The following TENM2 variants were observed in gnomAD, a reference collection of about 807,000 sequenced individuals.
TENM2 encodes the protein teneurin transmembrane protein 2.
TENM2 carries 52 observed loss-of-function variants against 245.2 expected under a neutral mutation model. That is an observed-to-expected ratio of 0.21 (90% CI 0.17 to 0.27). The LOEUF (loss-of-function observed/expected upper bound fraction) is 0.27, where lower values mean the gene tolerates loss of function less well. TENM2 is among the 10% of genes least tolerant of loss of function. The probability of loss-of-function intolerance (pLI) is 1.00; values close to 1 mark genes in which losing one functional copy is unlikely to be tolerated. For missense variants in TENM2, 3,046 were observed against 3,666.8 expected, an observed-to-expected ratio of 0.83 and a Z score of 4.37; for synonymous variants, 1,363 against 1,438.9, an observed-to-expected ratio of 0.95 and a Z score of 1.19.
the TENM2 span, among the ~76,000 whole-genome samples, chr5:167,181,435 C>A: frequency 7.5e-6 from 1 of 132,566 alleles, no homozygotes; most frequent in African/African-American, 3.3e-5. Flanking sequence ...TCTCAGTTCT[C>A]TGTTTTTTTT....
intron 1 of TENM2, among the ~76,000 whole-genome samples, chr5:167,335,215 A>AG (rs1307417368): frequency 6.6e-6 from 1 of 152,188 alleles, no homozygotes; most frequent in African/African-American, 2.4e-5. Flanking sequence ...TGGGGAAAGC[A>AG]GGAGCAAAGA....
At chr5:168,030,696 G>A (rs1470543438) in intron 5 of TENM2, among the ~76,000 whole-genome samples, 1 of 152,206 alleles carries the variant, frequency 6.6e-6, no homozygotes, top group Non-Finnish European at 1.5e-5. Flanking sequence ...GTTAGGAAAT[G>A]CTTGTTAATG....
chr5:167,341,376 G>A (rs879678817), intron 1 of TENM2, among the ~76,000 whole-genome samples: 2 of 152,090 alleles, frequency 1.3e-5, no homozygotes, highest in Non-Finnish European at 2.9e-5. Flanking sequence ...CTGTGTGAAA[G>A]ACAGGCAAAG....
chr5:167,448,360 G>A (rs1308334102), intron 2 of TENM2, among the ~76,000 whole-genome samples: 3 of 151,860 alleles, frequency 2.0e-5, no homozygotes, highest in African/African-American at 4.8e-5. Flanking sequence ...TCGACACAGT[G>A]ATTATACTGG....
chr5:168,119,941 T>A (rs759307712), intron 10 of TENM2, among the ~76,000 whole-genome samples: 7 of 152,150 alleles, frequency 4.6e-5, no homozygotes, highest in Non-Finnish European at 1.0e-4. Flanking sequence ...TTTTATGAGG[T>A]TCTCAGATGC....
intron 2 of TENM2, among the ~76,000 whole-genome samples, chr5:167,415,926 C>T (rs1763147166): frequency 6.6e-6 from 1 of 152,046 alleles, no homozygotes; most frequent in Non-Finnish European, 1.5e-5. Context: ...AGAAGAGACG[C>T]AGTAATGATA....
chr5:167,734,118 T>C (rs1760633510), intron 2 of TENM2, among the ~76,000 whole-genome samples: 1 of 152,204 alleles, frequency 6.6e-6, no homozygotes, highest in African/African-American at 2.4e-5. Flanking sequence ...TTAGGAAATA[T>C]TTGTGGGAAA....
In TENM2 at chr5:167,544,977, G is replaced by A. The variant is rs537917879; in HGVS notation, c.502+169504G>A. ...GCAGCGTCCAAATACATAGTTCACT[G>A]TCCCTGAGAATGGCATGGTTACTGC... On this transcript the variant is annotated intron_variant, in intron 2 of 28. Coordinates refer to ENST00000518659, the Ensembl canonical transcript of TENM2. 2.6e-5 allele frequency among the ~76,000 whole-genome samples: 4 copies of A among 152,172 alleles called. No individual in the cohort carries two copies. In the South Asian group the frequency reaches 8.3e-4, roughly 32 times the overall value.
At chr5:167,493,089 T>G (rs965283615) in intron 2 of TENM2, among the ~76,000 whole-genome samples, 1 of 152,058 alleles carries the variant, frequency 6.6e-6, no homozygotes, top group Admixed American at 6.6e-5. Flanking sequence ...AAAGTTAGAT[T>G]TTTTTACCCT....
At chr5:167,586,140 G>T (rs761360494) in intron 2 of TENM2, among the ~76,000 whole-genome samples, 15 of 148,312 alleles carry the variant, frequency 1.0e-4, no homozygotes, top group Admixed American at 9.7e-4. Context: ...AAAATACAAA[G>T]TAAGAGTACG....
intron 2 of TENM2, among the ~76,000 whole-genome samples, chr5:167,463,320 G>T (rs529203260): frequency 6.6e-6 from 1 of 152,130 alleles, no homozygotes; most frequent in East Asian, 1.9e-4. Flanking sequence ...CCAACCCAAG[G>T]TTATTATTTC....
chr5:167,646,156 CATATATATATATGTTGTTTTCAT>C (rs1432116238), intron 2 of TENM2, among the ~76,000 whole-genome samples: 20 of 97,810 alleles, frequency 2.0e-4, no homozygotes, highest in South Asian at 9.8e-4. Flanking sequence ...ATGTTGTTTT[CATATATATATATGTTGTTTTCAT>C]ATATATATAT....
At chr5:167,861,052 TAAAAA>T (rs397999860) in intron 2 of TENM2, among the ~76,000 whole-genome samples, 3 of 133,488 alleles carry the variant, frequency 2.2e-5, no homozygotes, top group Non-Finnish European at 4.7e-5. Flanking sequence ...AAAAAAAAAT[TAAAAA>T]AAAAAAAAAA....
the TENM2 span, among the ~76,000 whole-genome samples, chr5:167,061,246 G>A: frequency 9.9e-5 from 15 of 151,962 alleles, no homozygotes; most frequent in Non-Finnish European, 1.6e-4. Context: ...CCTATTATAC[G>A]CATTTATTTT....
intron 2 of TENM2, among the ~76,000 whole-genome samples, chr5:167,716,939 TTATTCTATTCTATTC>T (rs1206927781): frequency 1.0e-5 from 1 of 96,292 alleles, no homozygotes; most frequent in African/African-American, 4.4e-5. Context: ...TTATTTTATT[TTATTCTATTCTATTC>T]TATTTTATTT....
At chr5:167,173,611 G>A in the TENM2 span, among the ~76,000 whole-genome samples, 101 of 152,188 alleles carry the variant, frequency 6.6e-4, no homozygotes, top group African/African-American at 2.4e-3. Flanking sequence ...GTCTGCCTAA[G>A]TTAATGAAGG....
chr5:167,755,233 C>A, intron 2 of TENM2: 1 of 1,451,842 alleles, frequency 6.9e-7, no homozygotes, highest in Non-Finnish European at 9.5e-7. Context: ...GTTTTGCAAG[C>A]ACCTGTCCTC....
the TENM2 span, among the ~76,000 whole-genome samples, chr5:167,167,384 A>G: frequency 6.6e-6 from 1 of 152,290 alleles, no homozygotes; most frequent in African/African-American, 2.4e-5. Flanking sequence ...GGATTGCTGA[A>G]TCAAGTTCAA....
At chr5:168,017,737 A>G (rs1295299853) in intron 5 of TENM2, among the ~76,000 whole-genome samples, 1 of 152,224 alleles carries the variant, frequency 6.6e-6, no homozygotes, top group Non-Finnish European at 1.5e-5. Context: ...AAGGGGCTTC[A>G]TTGGCTCAAT....
Sources: gnomAD v4.1 joint callset for allele counts (sites outside exome capture counted in the v4.1 genomes callset) on GRCh38, gnomAD v4.1.1 for gene constraint, MANE v1.5 for transcripts, NCBI Gene and HGNC (gene_info 2026-07-23, HGNC 2026-07-21) for gene names.